Variants in WASF3 observed in about 807,000 individuals in gnomAD.
The protein encoded by WASF3 is actin-binding protein WASF3.
A neutral mutation model predicts 46.6 loss-of-function variants in WASF3; 11 were observed. That is an observed-to-expected ratio of 0.24 (90% CI 0.15 to 0.39). The LOEUF (loss-of-function observed/expected upper bound fraction) is 0.39. WASF3 is among the 10% of genes least tolerant of loss of function. The probability of loss-of-function intolerance (pLI) is 1.00; values close to 1 mark genes in which losing one functional copy is unlikely to be tolerated. For synonymous variants in WASF3, 242 were observed against 259.7 expected (o/e 0.93, Z 0.65); for missense variants, 576 against 669.8 (o/e 0.86, Z 1.55).
In WASF3 at chr13:26,682,730, C is replaced by G; in HGVS notation, c.1107C>G (p.Pro369=). 6.2e-7 allele frequency: 1 copy of G among 1,613,986 alleles called. No individual in the cohort carries two copies. ...GCCCTCTCCAGATGCCCATGCAGCC[C>G]CCGTTCCCTGCATCAGCCAGCTCCA... ...FVSPLQMPMQ[P]PFPASASSTH... is the part of the protein sequence containing the mutation. The change falls in exon 9 of 10, where the codon CCC becomes CCG. Residue 369 remains proline (P), a synonymous_variant. Transcript: ENST00000335327. The surrounding 1 kb of genome is among the most constrained non-coding windows in gnomAD (Gnocchi z 4.4).
chr13:26,671,889 G>A lies in WASF3; in HGVS notation c.440G>A (p.Gly147Glu). Residue 147 changes from glycine (G) to glutamate (E), a missense_variant, in exon 6 of 10, where the codon GGG becomes GAG. Coordinates refer to ENST00000335327, the MANE Select transcript of WASF3 (RefSeq NM_006646.6). ...ATTTGTAGAGATGACAAGAAGGATG[G>A]GCTGAAGTTCTATACTGATCCTTCC... is the stretch of plus-strand genomic sequence containing the variant. The part of the protein sequence containing the change: ...LTPYRDDKKD[G>E]LKFYTDPSYF... The A allele has an allele frequency of 1.3e-6, 2 of 1,598,414 alleles. No homozygotes were observed. Among genetic ancestry groups the A allele is most frequent in the Non-Finnish European group, 1.7e-6 (2 of 1,175,938 alleles).
At chr13:26,565,089 A>G (rs1007278628) in intron 1 of WASF3, among the ~76,000 whole-genome samples, 1 of 151,062 alleles carries the variant, frequency 6.6e-6, no homozygotes. Context: ...CCGTGGTGCT[A>G]TCTCGGCTTG....
intron 1 of WASF3, among the ~76,000 whole-genome samples, chr13:26,580,871 C>A (rs1879959387): frequency 6.6e-6 from 1 of 151,244 alleles, no homozygotes; most frequent in African/African-American, 2.4e-5. Context: ...GTGATCTGCC[C>A]AGCTCGGCCT....
At chr13:26,672,998 A>G (rs1011305080) in intron 6 of WASF3, among the ~76,000 whole-genome samples, 5 of 152,210 alleles carry the variant, frequency 3.3e-5, no homozygotes, top group African/African-American at 1.2e-4. Context: ...ATTGGGATAT[A>G]TCTTGGAAAA....
chr13:26,544,121 C>A, the WASF3 span, among the ~76,000 whole-genome samples: 1 of 152,140 alleles, frequency 6.6e-6, no homozygotes, highest in African/African-American at 2.4e-5. Context: ...GGAATGAAAT[C>A]CTTACAGGAG....
intron 1 of WASF3, among the ~76,000 whole-genome samples, chr13:26,586,804 G>A (rs567242): frequency 0.46 from 70,220 of 151,966 alleles, 16,675 homozygotes; most frequent in Non-Finnish European, 0.53. Flanking sequence ...CTATTTTATA[G>A]ATGTTTGCAG....
chr13:26,674,849 A>G (rs993047550), intron 6 of WASF3, among the ~76,000 whole-genome samples: 1 of 152,234 alleles, frequency 6.6e-6, no homozygotes, highest in Non-Finnish European at 1.5e-5. Flanking sequence ...AATCTTTAAA[A>G]GACTGAAGAA....
In WASF3 at chr13:26,686,081, T is replaced by G. The variant is rs1883396196; in HGVS notation, c.*236T>G. On this transcript the variant is annotated 3_prime_UTR_variant, in exon 10 of 10. Transcript: ENST00000335327. ...GAGGAAATAGGCTGTCACTATCACATTGTCCTGAAAACAGCATCTGCTTTC... is the reference window on the plus strand; with the variant it reads ...GAGGAAATAGGCTGTCACTATCACAGTGTCCTGAAAACAGCATCTGCTTTC... 4 of 505,464 alleles carry G rather than the reference T, an allele frequency of 7.9e-6. No homozygotes were observed. Among genetic ancestry groups the G allele is most frequent in the Non-Finnish European group, 1.4e-5 (4 of 288,418 alleles). 31.3% of individuals were successfully genotyped at this position (505,464 alleles called of 1,614,324 possible). A position where few individuals can be genotyped will look rare whatever the true frequency, so the allele number is the denominator to read the frequency against.
chr13:26,639,844 G>C (rs1241510901), intron 2 of WASF3: 1 of 152,578 alleles, frequency 6.6e-6, no homozygotes, highest in Non-Finnish European at 1.5e-5. Flanking sequence ...ACGGGGAGCT[G>C]TGGGCCGGAG....
At chr13:26,658,512 C>CT (rs1186867248) in intron 3 of WASF3, among the ~76,000 whole-genome samples, 2 of 152,188 alleles carry the variant, frequency 1.3e-5, no homozygotes, top group Non-Finnish European at 2.9e-5. Flanking sequence ...TGCCAGTGCA[C>CT]ATTAGCTTAT....
the WASF3 span, among the ~76,000 whole-genome samples, chr13:26,547,425 CA>C: frequency 0.28 from 41,207 of 146,262 alleles, 5,761 homozygotes; most frequent in East Asian, 0.51. Context: ...CACACACACA[CA>C]CCCATCATAT....
At chr13:26,555,696 A>C (rs992535977), upstream of WASF3, among the ~76,000 whole-genome samples, 2 of 152,236 alleles carry the variant, frequency 1.3e-5, no homozygotes, top group African/African-American at 4.8e-5. Flanking sequence ...TAGCAGAGAC[A>C]ATGGCTAGAA....
chr13:26,688,238 GAGA>G lies in WASF3; in HGVS notation c.*2397_*2399del, dbSNP rs1169066550. 6.6e-6 allele frequency: 1 copy of G among 152,142 alleles called. No individual in the cohort carries two copies. Among genetic ancestry groups the G allele is most frequent in the Non-Finnish European group, 1.5e-5 (1 of 68,018 alleles). 9.4% of individuals were successfully genotyped at this position (152,142 alleles called of 1,614,324 possible). On this transcript the variant is annotated 3_prime_UTR_variant, in exon 10 of 10. Transcript: ENST00000335327. ...ATGGTATTACAATGAAAAGAATAAA[GAGA>G]AGATTTGAATTTTCAGTTTCATTTT...
At chr13:26,670,096 G>A (rs1406396989) in intron 5 of WASF3, among the ~76,000 whole-genome samples, 1 of 152,034 alleles carries the variant, frequency 6.6e-6, no homozygotes, top group Non-Finnish European at 1.5e-5. Flanking sequence ...GCAAATACTT[G>A]GAACCAACCC....
At chr13:26,605,484 G>A (rs1880765521) in intron 1 of WASF3, among the ~76,000 whole-genome samples, 1 of 151,852 alleles carries the variant, frequency 6.6e-6, no homozygotes, top group Admixed American at 6.6e-5. Context: ...AAGTAGATTA[G>A]GAAGATGCAT....
chr13:26,585,944 A>G lies in WASF3; in HGVS notation c.-108-27017A>G, dbSNP rs73166041. 5.6e-3 allele frequency among the ~76,000 whole-genome samples: 851 copies of G among 152,310 alleles called. 4 individuals carry two copies. The highest frequency in any genetic ancestry group is 0.014 in the Middle Eastern group (4 of 294). On this transcript the variant is annotated intron_variant, in intron 1 of 9. Transcript: ENST00000335327. ...TAGGAAAGAAAGGTTTAAGGCTATCATCATGGATTCTGTTAGATGACTTGA... is the reference window on the plus strand; with the variant it reads ...TAGGAAAGAAAGGTTTAAGGCTATCGTCATGGATTCTGTTAGATGACTTGA...
chr13:26,589,235 G>T (rs1383456583), intron 1 of WASF3, among the ~76,000 whole-genome samples: 1 of 152,168 alleles, frequency 6.6e-6, no homozygotes, highest in Non-Finnish European at 1.5e-5. Context: ...GAGAGTATTA[G>T]TTTGGAAGAA....
At chr13:26,542,267 G>A in the WASF3 span, among the ~76,000 whole-genome samples, 1 of 152,178 alleles carries the variant, frequency 6.6e-6, no homozygotes. Flanking sequence ...TTGCCTTGTG[G>A]GTTATAAATA....
chr13:26,591,173 C>T (rs1410479169), intron 1 of WASF3, among the ~76,000 whole-genome samples: 1 of 151,116 alleles, frequency 6.6e-6, no homozygotes, highest in African/African-American at 2.4e-5. Flanking sequence ...GAGATGAGGA[C>T]AGAGTGGTTA....
Sources: allele counts gnomAD v4.1 joint callset (sites outside exome capture counted in the v4.1 genomes callset), GRCh38; gene constraint gnomAD v4.1.1; non-coding constraint Gnocchi (gnomAD v3.1); transcripts MANE v1.5; gene names NCBI Gene and HGNC (gene_info 2026-07-23, HGNC 2026-07-21).